RHOT2: variants seen among roughly 807,000 people sequenced by gnomAD.
RHOT2 encodes the protein ras homolog family member T2, also known as mitochondrial Rho GTPase 2.
RHOT2 carries 90 observed loss-of-function variants against 81.6 expected under a neutral mutation model. The ratio of observed to expected loss-of-function variants is 1.10; its 90% CI spans 0.93 to 1.31. RHOT2 has a LOEUF of 1.31. Ranked by LOEUF, RHOT2 falls within the 40% of genes most tolerant of loss-of-function variation. The probability of loss-of-function intolerance (pLI) is 0.00; values close to 1 mark genes in which losing one functional copy is unlikely to be tolerated. For missense variants in RHOT2, 1,014 were observed against 841.9 expected, an observed-to-expected ratio of 1.20 and a Z score of -2.53; for synonymous variants, 512 against 370.9, an observed-to-expected ratio of 1.38 and a Z score of -4.37.
At position 672,474 on chromosome 16, in the gene RHOT2, C is replaced by T; in HGVS notation, c.1327-15C>T. On this transcript the variant is annotated splice_polypyrimidine_tract_variant and intron_variant, in intron 15 of 18. Coordinates refer to ENST00000315082, the MANE Select transcript of RHOT2 (RefSeq NM_138769.3). ...GCACTGCAGCCAGCGAGTGTCAGGA[C>T]TTCACCTCCCTCAGCACCAGGACAC... The T allele has an allele frequency of 6.2e-7, 1 of 1,612,328 alleles. No individual in the cohort carries two copies. Among genetic ancestry groups the T allele is most frequent in the Non-Finnish European group, 8.5e-7 (1 of 1,179,784 alleles).
Position 671,789 on chromosome 16 carries a change from C to G in RHOT2, c.954+8C>G. The G allele has an allele frequency of 6.2e-7, 1 of 1,607,722 alleles. No individual in the cohort carries two copies. Among genetic ancestry groups the G allele is most frequent in the Non-Finnish European group, 8.5e-7 (1 of 1,177,626 alleles). ...TTTGAGAAGCACGACCAGGTGAGAG[C>G]ATGGCGAGTCCCCTGCCCCTGCCCC... On this transcript the variant is annotated splice_region_variant and intron_variant, in intron 12 of 18. Transcript: ENST00000315082.
intron 4 of RHOT2, 119 bp downstream of exon 4, chr16:668,818 C>T (rs986215803): frequency 3.5e-5 from 39 of 1,110,722 alleles, no homozygotes; most frequent in Admixed American, 5.8e-5. Flanking sequence ...AATTCTGTGA[C>T]CTCCGCACTG....
At chr16:673,312 G>A (rs543073389) in intron 18 of RHOT2, 168 bp from the exon 19 acceptor site, 1 of 1,237,452 alleles carries the variant, frequency 8.1e-7, no homozygotes, top group East Asian at 2.3e-5. Flanking sequence ...GTGGCAGAGG[G>A]AGGCAGTGCC....
At position 673,901 on chromosome 16, in the gene RHOT2, G is replaced by A. The variant is rs530574941; in HGVS notation, c.*295G>A. 1.9e-5 allele frequency: 11 copies of A among 591,260 alleles called. No homozygotes were observed. The highest frequency in any genetic ancestry group is 6.7e-5 in the Admixed American group (3 of 44,618). The allele number at this position is 591,260 out of a possible 1,614,324, so 36.6% of individuals were successfully genotyped here. A position where few individuals can be genotyped will look rare whatever the true frequency, so the allele number is the denominator to read the frequency against. ...CCCTGGGCATCATGTGTGTGGGGCC[G>A]GGGAGCACAGGTGTGGGAGCTGGTG... On this transcript the variant is annotated 3_prime_UTR_variant, in exon 19 of 19. Coordinates refer to ENST00000315082, the MANE Select transcript of RHOT2 (RefSeq NM_138769.3).
chr16:673,176 T>C, intron 18 of RHOT2, 46 bp downstream of exon 18: 1 of 1,582,110 alleles, frequency 6.3e-7, no homozygotes, highest in Non-Finnish European at 8.6e-7. Flanking sequence ...GTGTCTGTCA[T>C]CCGAGCAGTG....
chr16:669,419 C>T (rs1200644787), intron 4 of RHOT2, 134 bp from the exon 5 acceptor site: 26 of 826,220 alleles, frequency 3.1e-5, no homozygotes, highest in African/African-American at 3.1e-4. Flanking sequence ...TGGGCTTTCC[C>T]GGCCTCAGAG....
chr16:672,188 A>T lies in RHOT2; in HGVS notation c.1195+7A>T. On this transcript the variant is annotated splice_region_variant and intron_variant, in intron 14 of 18. Coordinates refer to ENST00000315082, the MANE Select transcript of RHOT2 (RefSeq NM_138769.3). Reference sequence around the variant, plus strand: ...CAGGCCCATGCCATCACAGGTAGGCACCCACCCTCCCTGGGCCTGGGCCCA... The same window carrying T: ...CAGGCCCATGCCATCACAGGTAGGCTCCCACCCTCCCTGGGCCTGGGCCCA... 1 of 1,612,378 alleles carries T rather than the reference A, an allele frequency of 6.2e-7. No homozygotes were observed. The highest frequency in any genetic ancestry group is 8.5e-7 in the Non-Finnish European group (1 of 1,179,842).
chr16:671,199 C>T lies in RHOT2; in HGVS notation c.865C>T (p.Pro289Ser), dbSNP rs773719170. 97 of 1,550,332 alleles carry T rather than the reference C, an allele frequency of 6.3e-5. No homozygotes were observed. In the Middle Eastern group the frequency reaches 1.4e-3, roughly 22 times the overall value. ...GGAGCTGACTGCGGACTATCTCTCC[C>T]CTCTGTGAGTGATGCCGGGGCTTGA... is the stretch of plus-strand genomic sequence containing the variant. Reference protein sequence around the residue: ...ALELTADYLSPLIHVPPGCST... With the variant: ...ALELTADYLSSLIHVPPGCST... Residue 289 changes from proline to serine, a missense_variant, in exon 11 of 19, where the codon CCT (proline) becomes TCT (serine). Transcript: ENST00000315082.
At chr16:668,592 G>A in intron 3 of RHOT2, 23 bp downstream of exon 3, 7 of 1,610,096 alleles carry the variant, frequency 4.3e-6, no homozygotes, top group African/African-American at 1.3e-5. Context: ...GCCTCCCGGG[G>A]GCCCGGCCCG....
At chr16:668,747 C>G in intron 4 of RHOT2, 48 bp downstream of exon 4, 1 of 1,543,444 alleles carries the variant, frequency 6.5e-7, no homozygotes, top group Non-Finnish European at 8.7e-7. Context: ...CGGGCTCGGC[C>G]TAATCCGCTT....
At chr16:672,422 C>T (rs765078500) in intron 15 of RHOT2, 38 bp downstream of exon 15, 20 of 1,606,814 alleles carry the variant, frequency 1.2e-5, no homozygotes, top group East Asian at 2.2e-5. Flanking sequence ...CCAGGGGCTC[C>T]AGGGGCAGGG....
rs995861890 is a variant in RHOT2, at chr16:672,354, C to T, written c.1296C>T (p.Phe432=). 5 of 1,611,368 alleles carry T rather than the reference C, an allele frequency of 3.1e-6. No individual in the cohort carries two copies. The highest frequency in any genetic ancestry group is 2.7e-5 in the African/African-American group (2 of 74,886). The part of the protein sequence containing the change: ...VGARGVGKSA[F]LQAFLGRGLG... ...CCCGTGGAGTGGGCAAGTCTGCCTT[C>T]CTGCAGGCCTTTCTCGGCCGCGGCC... The change falls in exon 15 of 19, where the codon TTC becomes TTT. Residue 432 remains phenylalanine, a synonymous_variant. Transcript: ENST00000315082.
In RHOT2 at chr16:668,226, A is replaced by G; in HGVS notation, c.27A>G (p.Leu9=). The G allele has an allele frequency of 1.7e-6, 1 of 596,360 alleles. No individual in the cohort carries two copies. The highest frequency in any genetic ancestry group is 1.9e-5 in the African/African-American group (1 of 52,014). The allele number at this position is 596,360 out of a possible 1,614,324, so 36.9% of individuals were successfully genotyped here. A position where few individuals can be genotyped will look rare whatever the true frequency, so the allele number is the denominator to read the frequency against. Residue 9 remains leucine (L), a synonymous_variant, in exon 1 of 19, where the codon TTA becomes TTG. Transcript: ENST00000315082. MRRDVRIL[L]LGEAQVGKTS... ...TGAGGCGGGACGTGCGCATCCTGTT[A>G]CTGGGCGAGGGTAGGCGCCGGCCCG...
In RHOT2 at chr16:670,771, C is replaced by T; in HGVS notation, c.637C>T (p.Gln213Ter). The T allele has an allele frequency of 2.5e-6, 4 of 1,611,902 alleles. No individual in the cohort carries two copies. The highest frequency in any genetic ancestry group is 1.7e-6 in the Non-Finnish European group (2 of 1,179,790). ...CAGTGACGAAGAGCTCAACGCTTTC[C>T]AGGTGTGCCCCTGCCCCACCCTCGG... ...ALSDEELNAF[Q>*]KSCFGHPLAP... The change falls in exon 9 of 19, where the codon CAG becomes TAG. Residue 213 changes from glutamine to a stop codon, truncating the protein, a stop_gained and splice_region_variant. Transcript: ENST00000315082. LOFTEE classifies it high-confidence loss of function.
chr16:669,960 T>TG (rs1317853250), intron 5 of RHOT2, 163 bp from the exon 6 acceptor site: 2 of 658,028 alleles, frequency 3.0e-6, no homozygotes, highest in Non-Finnish European at 5.1e-6. Context: ...AGGCTGCACC[T>TG]GCTGCCTGCC....
At position 672,513 on chromosome 16, in the gene RHOT2, C is replaced by G; in HGVS notation, c.1351C>G (p.Pro451Ala). 1 of 1,612,644 alleles carries G rather than the reference C, an allele frequency of 6.2e-7. No homozygotes were observed. ...GCACCAGGACACGAGGGAGCAGCCT[C>G]CCGGCTACGCCATCGACACGGTGCA... ...LGHQDTREQP[P>A]GYAIDTVQVN... Residue 451 changes from proline to alanine, a missense_variant, in exon 16 of 19, where the codon CCC becomes GCC. Transcript: ENST00000315082.
intron 18 of RHOT2, 169 bp from the exon 19 acceptor site, chr16:673,311 G>A (rs2039280170): frequency 8.1e-7 from 1 of 1,234,272 alleles, no homozygotes; most frequent in Non-Finnish European, 1.2e-6. Context: ...TGTGGCAGAG[G>A]GAGGCAGTGC....
chr16:673,198 T>C lies in RHOT2; in HGVS notation c.1730+68T>C, dbSNP rs1005161272. The C allele has an allele frequency of 3.8e-5, 58 of 1,513,914 alleles. No homozygotes were observed. In the African/African-American group the frequency reaches 6.7e-4, roughly 18 times the overall value. The allele number at this position is 1,513,914 out of a possible 1,614,324, so 93.8% of individuals were successfully genotyped here. On this transcript the variant is annotated intron_variant, in intron 18 of 18. Coordinates refer to ENST00000315082, the MANE Select transcript of RHOT2 (RefSeq NM_138769.3). ...TCATCCGAGCAGTGGGCAGCGGTGG[T>C]GTCAGGCCTGGAACTGGGGACTAGC...
intron 18 of RHOT2, 70 bp from the exon 19 acceptor site, chr16:673,410 G>A: frequency 1.2e-6 from 2 of 1,603,856 alleles, no homozygotes; most frequent in Non-Finnish European, 1.7e-6. Flanking sequence ...TCCAGGACAT[G>A]GGAGGGTGCC....
Sources: allele counts gnomAD v4.1 joint callset, GRCh38; gene constraint gnomAD v4.1.1; transcripts MANE v1.5; gene names NCBI Gene and HGNC (gene_info 2026-07-23, HGNC 2026-07-21).